Variants in AFAP1 observed in about 807,000 individuals in gnomAD.
AFAP1 encodes the protein actin filament associated protein 1.
In AFAP1, 75 loss-of-function variants were observed where a neutral mutation model predicts 93.9. That is an observed-to-expected ratio of 0.80 (90% CI 0.66 to 0.97). AFAP1 has a LOEUF of 0.97. Among genes scored for constraint, AFAP1 ranks in the 50% least tolerant of loss-of-function variants. AFAP1 has a pLI of 0.00. For synonymous variants in AFAP1, 517 were observed against 430.7 expected (o/e 1.20, Z -2.48); for missense variants, 1,201 against 1,050.8 (o/e 1.14, Z -1.98).
chr4:7,908,211 C>CA (rs149152593), intron 1 of AFAP1, among the ~76,000 whole-genome samples: 5,442 of 139,870 alleles, frequency 0.039, 201 homozygotes, highest in African/African-American at 0.1. Flanking sequence ...GACTCTGTCT[C>CA]AAAAAAAAAA....
At chr4:7,796,067 G>A (rs1718392413) in intron 10 of AFAP1, among the ~76,000 whole-genome samples, 2 of 152,124 alleles carry the variant, frequency 1.3e-5, no homozygotes, top group Non-Finnish European at 2.9e-5. Context: ...GTGAATGTGT[G>A]TGTATGTATC....
chr4:7,774,664 T>TTGGGCAAAGCAGAATGAAATC, intron 15 of AFAP1, 75 bp downstream of exon 15: 1 of 1,547,900 alleles, frequency 6.5e-7, no homozygotes, highest in Non-Finnish European at 8.7e-7. Flanking sequence ...AATAGGTCCT[T>TTGGGCAAAGCAGAATGAAATC]TGGGCAAAGC....
intron 4 of AFAP1, among the ~76,000 whole-genome samples, chr4:7,851,293 C>T (rs921584322): frequency 3.9e-5 from 6 of 152,176 alleles, no homozygotes; most frequent in Admixed American, 3.3e-4. Flanking sequence ...GCACTCCATC[C>T]TCAAGTCAAA....
At chr4:7,824,681 G>T (rs141510047) in intron 6 of AFAP1, among the ~76,000 whole-genome samples, 79 of 152,272 alleles carry the variant, frequency 5.2e-4, no homozygotes, top group African/African-American at 1.7e-3. Flanking sequence ...TCTCACTCAT[G>T]TGGGTGCTAA....
chr4:7,883,544 A>G (rs1048693058), intron 1 of AFAP1, among the ~76,000 whole-genome samples: 1 of 152,178 alleles, frequency 6.6e-6, no homozygotes, highest in South Asian at 2.1e-4. Context: ...AGTCAAAGCA[A>G]TAAGAAAAGA....
intron 1 of AFAP1, chr4:7,872,308 T>C: frequency 1.4e-5 from 6 of 442,552 alleles, no homozygotes; most frequent in Admixed American, 4.0e-5. Flanking sequence ...AAAATTCAAC[T>C]GGGAGAAGCT....
intron 6 of AFAP1, 57 bp from the exon 7 acceptor site, chr4:7,819,228 T>C: frequency 6.7e-7 from 1 of 1,482,178 alleles, no homozygotes; most frequent in Non-Finnish European, 9.2e-7. Context: ...ACTTAAAGGC[T>C]TGAACTGTGA....
chr4:7,876,250 G>A (rs75946872), intron 1 of AFAP1, among the ~76,000 whole-genome samples: 10,329 of 152,210 alleles, frequency 0.068, 381 homozygotes, highest in African/African-American at 0.082. Context: ...GTTTGTCGTG[G>A]CCCTGGCCAA....
At position 7,939,787 on chromosome 4, in the gene AFAP1, A is replaced by G; in HGVS notation, c.-134T>C. ...GGGGCGGGGCCGCCGCCGCCGCCTC[A>G]GCCCGTGTACCCCGCTCGAGATCCG... On this transcript the variant is annotated 5_prime_UTR_variant, in exon 1 of 18. Transcript: ENST00000420658. This position sits in a 1 kb window ranked among gnomAD's most constrained non-coding sequence, Gnocchi z 5.6. 2.6e-6 allele frequency: 1 copy of G among 386,680 alleles called. No individual in the cohort carries two copies. Among genetic ancestry groups the G allele is most frequent in the Non-Finnish European group, 5.0e-6 (1 of 199,046 alleles). The allele number at this position is 386,680 out of a possible 1,614,324, so 24.0% of individuals were successfully genotyped here.
At chr4:7,936,850 G>C (rs1721418943) in intron 1 of AFAP1, among the ~76,000 whole-genome samples, 1 of 152,046 alleles carries the variant, frequency 6.6e-6, no homozygotes, top group African/African-American at 2.4e-5. Context: ...CAAAGTGTTG[G>C]GATTACAGGC....
intron 1 of AFAP1, among the ~76,000 whole-genome samples, chr4:7,930,269 C>A (rs918308377): frequency 5.9e-5 from 9 of 152,208 alleles, no homozygotes; most frequent in African/African-American, 2.2e-4. Context: ...TGCCACCTCC[C>A]CAGCACCAAA....
chr4:7,844,790 G>T (rs1034159502), intron 4 of AFAP1, among the ~76,000 whole-genome samples: 1 of 152,222 alleles, frequency 6.6e-6, no homozygotes. Context: ...AGCTGCGCTG[G>T]ATGATAAGCT....
At chr4:7,884,162 C>A (rs570634740) in intron 1 of AFAP1, among the ~76,000 whole-genome samples, 6 of 152,314 alleles carry the variant, frequency 3.9e-5, no homozygotes, top group East Asian at 1.9e-4. Flanking sequence ...CCTGCTCCCC[C>A]CTTCACCTTC....
At chr4:7,782,303 C>T (rs1716857444) in intron 12 of AFAP1, among the ~76,000 whole-genome samples, 1 of 152,236 alleles carries the variant, frequency 6.6e-6, no homozygotes, top group Non-Finnish European at 1.5e-5. Flanking sequence ...ATGAGACCAC[C>T]TGCAGGCTCC....
At chr4:7,935,198 T>C (rs1025430762) in intron 1 of AFAP1, among the ~76,000 whole-genome samples, 4 of 152,122 alleles carry the variant, frequency 2.6e-5, no homozygotes, top group African/African-American at 9.7e-5. Flanking sequence ...TTTACAAAAT[T>C]CCATTACATT....
At chr4:7,881,669 G>A (rs767003075) in intron 1 of AFAP1, among the ~76,000 whole-genome samples, 1 of 152,040 alleles carries the variant, frequency 6.6e-6, no homozygotes, top group Non-Finnish European at 1.5e-5. Context: ...TGTAGTCCCA[G>A]CTACTCAGGA....
chr4:7,866,739 T>TA (rs1716439952), intron 3 of AFAP1, among the ~76,000 whole-genome samples: 2 of 151,928 alleles, frequency 1.3e-5, no homozygotes, highest in African/African-American at 4.8e-5. Flanking sequence ...ACATTATATC[T>TA]AAAAACAGCA....
At chr4:7,781,008 A>G (rs1274092259) in intron 13 of AFAP1, among the ~76,000 whole-genome samples, 2 of 152,244 alleles carry the variant, frequency 1.3e-5, no homozygotes, top group African/African-American at 2.4e-5. Flanking sequence ...TTCCTCATTA[A>G]GTGTAATGGA....
rs551517489 is a variant in AFAP1 at position 7,815,366 on chromosome 4, C to T, written c.904+652G>A. Among the ~76,000 whole-genome samples, 16 of 152,316 alleles carry T rather than the reference C, an allele frequency of 1.1e-4. No homozygotes were observed. The Middle Eastern group carries it at 0.017, about 162-fold the overall frequency. On this transcript the variant is annotated intron_variant, in intron 8 of 17. Transcript: ENST00000420658. The stretch of plus-strand genomic sequence containing the variant: ...GTACAATATAAATGTACTTAATGCA[C>T]TGAACTGTACACTGAGACATGGTTA...
Sources: allele counts gnomAD v4.1 joint callset (sites outside exome capture counted in the v4.1 genomes callset), GRCh38; gene constraint gnomAD v4.1.1; non-coding constraint Gnocchi (gnomAD v3.1); transcripts MANE v1.5; gene names NCBI Gene and HGNC (gene_info 2026-07-23, HGNC 2026-07-21).